ZFYVE28: variants seen among roughly 807,000 people sequenced by gnomAD.
The protein encoded by ZFYVE28 is lateral signaling target protein 2 homolog.
ZFYVE28 carries 40 observed loss-of-function variants against 82.1 expected under a neutral mutation model. That is an observed-to-expected ratio of 0.49 (90% CI 0.38 to 0.63). The LOEUF is 0.63. Ranked by LOEUF, ZFYVE28 falls within the 30% of genes least tolerant of loss-of-function variation. ZFYVE28 has a pLI of 0.00. For missense variants in ZFYVE28, 1,321 were observed against 1,242.1 expected (o/e 1.06, Z -0.96); for synonymous variants, 612 against 546.1 (o/e 1.12, Z -1.68).
chr4:2,303,363 C>G (rs1715912315), intron 8 of ZFYVE28, among the ~76,000 whole-genome samples: 1 of 152,200 alleles, frequency 6.6e-6, no homozygotes. Context: ...CAGCCCCTCA[C>G]TCCTGCATCT....
intron 1 of ZFYVE28, among the ~76,000 whole-genome samples, chr4:2,373,691 C>CA (rs1166961187): frequency 1.3e-5 from 2 of 152,110 alleles, no homozygotes; most frequent in Non-Finnish European, 2.9e-5. Flanking sequence ...AACATGCACT[C>CA]GTATGCCCTG....
At chr4:2,325,720 G>C (rs1033509305) in intron 6 of ZFYVE28, among the ~76,000 whole-genome samples, 1 of 149,740 alleles carries the variant, frequency 6.7e-6, no homozygotes, top group Non-Finnish European at 1.5e-5. Context: ...TCTCGTCTTA[G>C]CCTCCGAAGT....
At chr4:2,353,306 G>C (rs916318334) in intron 2 of ZFYVE28, among the ~76,000 whole-genome samples, 2 of 152,226 alleles carry the variant, frequency 1.3e-5, no homozygotes, top group African/African-American at 2.4e-5. Flanking sequence ...CCCCCTGTTG[G>C]AGGAGCATGT....
chr4:2,390,632 A>G (rs1729725827), intron 1 of ZFYVE28, among the ~76,000 whole-genome samples: 1 of 152,250 alleles, frequency 6.6e-6, no homozygotes, highest in African/African-American at 2.4e-5. Context: ...AAGCATGGCT[A>G]TGTAAAGAGA....
At chr4:2,306,746 T>C (rs527971852) in intron 7 of ZFYVE28, 1 of 152,396 alleles carries the variant, frequency 6.6e-6, no homozygotes, top group East Asian at 1.9e-4. Context: ...CTGGGCTTTC[T>C]GCTGTTGTAT....
chr4:2,402,563 C>G (rs1731312046), intron 1 of ZFYVE28, among the ~76,000 whole-genome samples: 1 of 152,186 alleles, frequency 6.6e-6, no homozygotes, highest in Admixed American at 6.5e-5. Context: ...TAGTCGGATC[C>G]ACAAAGCCCG....
At chr4:2,346,399 C>T (rs1723603924) in intron 2 of ZFYVE28, among the ~76,000 whole-genome samples, 1 of 149,960 alleles carries the variant, frequency 6.7e-6, no homozygotes, top group Non-Finnish European at 1.5e-5. Context: ...AAGAAAATGA[C>T]ACCAGATGGA....
rs138256774 is a variant in ZFYVE28 at position 2,300,831 on chromosome 4, C to T, written c.2051+3458G>A. Among the ~76,000 whole-genome samples the T allele has an allele frequency of 4.9e-4, 74 of 152,318 alleles. No individual in the cohort carries two copies. The highest frequency in any genetic ancestry group is 5.6e-4 in the Non-Finnish European group (38 of 68,022). On this transcript the variant is annotated intron_variant, in intron 8 of 12. Transcript: ENST00000290974. This position sits in a 1 kb window ranked among gnomAD's most constrained non-coding sequence, Gnocchi z 4.6. ...CCCACTGTTCCCTCTGAACCGTCCA[C>T]GCCACAACCACAGGGGCTGCAGGGG...
intron 1 of ZFYVE28, among the ~76,000 whole-genome samples, chr4:2,361,297 C>A (rs1449068902): frequency 1.3e-5 from 2 of 152,114 alleles, no homozygotes; most frequent in Non-Finnish European, 2.9e-5. Flanking sequence ...CAAGGATGGA[C>A]TGACTCTGGG....
rs375512952 is a variant in ZFYVE28, at chr4:2,415,315, T to C, written c.39+2970A>G. Among the ~76,000 whole-genome samples, 77 of 152,266 alleles carry C rather than the reference T, an allele frequency of 5.1e-4. 1 individual carries two copies. The highest frequency in any genetic ancestry group is 1.8e-3 in the African/African-American group (74 of 41,530). On this transcript the variant is annotated intron_variant, in intron 1 of 12. Coordinates refer to ENST00000290974, the MANE Select transcript of ZFYVE28 (RefSeq NM_020972.3). ...CAGAATATTTTCCACCATATTGTGA[T>C]GAACAAGAAGCTCAGTGCTGGCCAA...
intron 1 of ZFYVE28, among the ~76,000 whole-genome samples, chr4:2,370,180 C>T (rs919075029): frequency 1.7e-4 from 26 of 152,126 alleles, no homozygotes; most frequent in African/African-American, 6.0e-4. Context: ...CCACTGTGTG[C>T]GACTTGGTCA....
chr4:2,400,677 C>T (rs1319720947), intron 1 of ZFYVE28, among the ~76,000 whole-genome samples: 4 of 152,096 alleles, frequency 2.6e-5, no homozygotes, highest in Non-Finnish European at 5.9e-5. Flanking sequence ...ACCTGGAGGC[C>T]GATGTTCCAG....
chr4:2,276,926 A>G (rs763988489), intron 8 of ZFYVE28, among the ~76,000 whole-genome samples: 8 of 152,140 alleles, frequency 5.3e-5, no homozygotes, highest in Non-Finnish European at 8.8e-5. Flanking sequence ...ATGCCACGAA[A>G]TTGTACGCTT....
At chr4:2,351,481 G>A (rs1449138051) in intron 2 of ZFYVE28, among the ~76,000 whole-genome samples, 1 of 152,192 alleles carries the variant, frequency 6.6e-6, no homozygotes. Flanking sequence ...TGGGAGGCCA[G>A]GGCAGGTGGA....
rs76021070 is a variant in ZFYVE28, at chr4:2,335,119, C to T, written c.701+586G>A. Among the ~76,000 whole-genome samples, 26 of 151,736 alleles carry T rather than the reference C, an allele frequency of 1.7e-4. No individual in the cohort carries two copies. The East Asian group carries it at 4.7e-3, about 27-fold the overall frequency. On this transcript the variant is annotated intron_variant, in intron 6 of 12. Coordinates refer to ENST00000290974, the MANE Select transcript of ZFYVE28 (RefSeq NM_020972.3). The surrounding 1 kb of genome is among the most constrained non-coding windows in gnomAD (Gnocchi z 5.8). ...TCACGTCCTTGAGCCCCACAGGACCCTACAGGCTGCCTTGAGTTCCCTGCT... is the reference window on the plus strand; with the variant it reads ...TCACGTCCTTGAGCCCCACAGGACCTTACAGGCTGCCTTGAGTTCCCTGCT...
chr4:2,343,376 G>A (rs868129216), intron 2 of ZFYVE28: 3 of 152,092 alleles, frequency 2.0e-5, no homozygotes, highest in Admixed American at 6.6e-5. Context: ...GAAGAGATAC[G>A]AAAACTCACT....
At chr4:2,382,326 A>G (rs58684398) in intron 1 of ZFYVE28, among the ~76,000 whole-genome samples, 33,860 of 152,112 alleles carry the variant, frequency 0.22, 4,661 homozygotes, top group African/African-American at 0.4. Flanking sequence ...AGCTTGCACC[A>G]TTTGCCTGGA....
In ZFYVE28 at chr4:2,304,249, G is replaced by A. The variant is rs1258011994; in HGVS notation, c.2051+40C>T. ...GCGCCAGCACCTGCCCCCCAGTGCA[G>A]AGAGGACAAACCCAGTCTCTGGGCC... On this transcript the variant is annotated intron_variant, in intron 8 of 12. Transcript: ENST00000290974. 9.2e-6 allele frequency: 14 copies of A among 1,516,582 alleles called. No homozygotes were observed. In the African/African-American group the frequency reaches 1.5e-4, roughly 17 times the overall value. The allele number at this position is 1,516,582 out of a possible 1,614,324, so 93.9% of individuals were successfully genotyped here.
intron 6 of ZFYVE28, chr4:2,329,234 G>T: frequency 3.7e-6 from 2 of 536,152 alleles, no homozygotes; most frequent in African/African-American, 1.9e-5. Flanking sequence ...ACTATATTAA[G>T]TCTTCCCATC....
Sources: gnomAD v4.1 joint callset for allele counts (sites outside exome capture counted in the v4.1 genomes callset) on GRCh38, gnomAD v4.1.1 for gene constraint, Gnocchi (gnomAD v3.1) non-coding constraint, MANE v1.5 for transcripts, NCBI Gene and HGNC (gene_info 2026-07-23, HGNC 2026-07-21) for gene names.